STAG1: variants seen among roughly 807,000 people sequenced by gnomAD.
The protein encoded by STAG1 is STAG1 cohesin complex component, also known as cohesin subunit SA-1.
A neutral mutation model predicts 170.9 loss-of-function variants in STAG1; 26 were observed. That is an observed-to-expected ratio of 0.15 (90% confidence interval 0.11 to 0.21). STAG1 has a LOEUF of 0.21. STAG1 is among the 10% of genes least tolerant of loss of function. The pLI is 1.00. For missense variants in STAG1, 964 were observed against 1,509.5 expected (o/e 0.64, Z 5.99); for synonymous variants, 514 against 497.7 (o/e 1.03, Z -0.44).
At chr3:136,366,728 G>A (rs1318197748) in intron 25 of STAG1, among the ~76,000 whole-genome samples, 1 of 152,114 alleles carries the variant, frequency 6.6e-6, no homozygotes, top group African/African-American at 2.4e-5. Context: ...TAGCTAGAAA[G>A]TATGTTCTTT....
intron 15 of STAG1, among the ~76,000 whole-genome samples, chr3:136,441,847 T>G (rs1179185601): frequency 6.6e-6 from 1 of 152,144 alleles, no homozygotes; most frequent in Non-Finnish European, 1.5e-5. Context: ...AACTAAGGAT[T>G]AGAAAATCTG....
At chr3:136,454,977 G>T (rs913490999) in intron 13 of STAG1, among the ~76,000 whole-genome samples, 1 of 152,094 alleles carries the variant, frequency 6.6e-6, no homozygotes, top group Non-Finnish European at 1.5e-5. Context: ...AATGATGGAA[G>T]AATGATAAAA....
intron 32 of STAG1, 76 bp from the exon 33 acceptor site, chr3:136,338,526 T>G: frequency 9.4e-7 from 1 of 1,062,370 alleles, no homozygotes; most frequent in South Asian, 1.3e-5. Flanking sequence ...AGCTAATATT[T>G]CTGACAGTAT....
chr3:136,638,874 C>T (rs954335479), intron 1 of STAG1, among the ~76,000 whole-genome samples: 1 of 152,016 alleles, frequency 6.6e-6, no homozygotes, highest in African/African-American at 2.4e-5. Context: ...TGAACTCCAG[C>T]CTGGGCAACA....
At chr3:136,670,667 C>T (rs1057376903) in intron 1 of STAG1, among the ~76,000 whole-genome samples, 8 of 152,006 alleles carry the variant, frequency 5.3e-5, no homozygotes, top group Non-Finnish European at 8.8e-5. Flanking sequence ...GCCAAGGTTT[C>T]GCTATGTTGG....
chr3:136,439,018 G>A (rs975765916), intron 15 of STAG1, among the ~76,000 whole-genome samples: 12 of 151,418 alleles, frequency 7.9e-5, no homozygotes, highest in African/African-American at 2.9e-4. Flanking sequence ...CCAACATGGG[G>A]AAACCGATCT....
chr3:136,644,231 T>A (rs2107849239), intron 1 of STAG1, among the ~76,000 whole-genome samples: 1 of 152,346 alleles, frequency 6.6e-6, no homozygotes, highest in Admixed American at 6.5e-5. Flanking sequence ...GTGAAAAACT[T>A]TGAGGATGGT....
At chr3:136,417,779 C>G (rs1329099740) in intron 21 of STAG1, 106 bp downstream of exon 21, 1 of 778,936 alleles carries the variant, frequency 1.3e-6, no homozygotes, top group East Asian at 2.6e-5. Flanking sequence ...AGGCAGCTGC[C>G]CTAATGAATC....
intron 6 of STAG1, among the ~76,000 whole-genome samples, chr3:136,526,423 C>T (rs974247307): frequency 6.6e-6 from 1 of 152,100 alleles, no homozygotes; most frequent in Non-Finnish European, 1.5e-5. Flanking sequence ...GCAACCCCTG[C>T]CTTTTTTTGT....
At chr3:136,491,526 G>A (rs192059036) in intron 9 of STAG1, among the ~76,000 whole-genome samples, 1 of 151,956 alleles carries the variant, frequency 6.6e-6, no homozygotes, top group Non-Finnish European at 1.5e-5. Flanking sequence ...TACATCCCCT[G>A]GTTCTTATTA....
intron 1 of STAG1, among the ~76,000 whole-genome samples, chr3:136,669,908 C>A (rs927288369): frequency 7.2e-5 from 11 of 152,206 alleles, no homozygotes; most frequent in Non-Finnish European, 1.3e-4. Flanking sequence ...CTCCATATAC[C>A]ATAATAGTTA....
chr3:136,379,437 G>A (rs1050413841), intron 22 of STAG1, among the ~76,000 whole-genome samples: 5 of 152,168 alleles, frequency 3.3e-5, no homozygotes, highest in Non-Finnish European at 7.4e-5. Context: ...GGCTGGGTGC[G>A]GTGGCTCACG....
intron 22 of STAG1, among the ~76,000 whole-genome samples, chr3:136,388,343 A>T (rs1278338246): frequency 6.6e-6 from 1 of 152,134 alleles, no homozygotes; most frequent in Non-Finnish European, 1.5e-5. Context: ...AAAATGCTGG[A>T]AACAGAAGAA....
chr3:136,655,545 C>T (rs1941343128), intron 1 of STAG1, among the ~76,000 whole-genome samples: 1 of 152,182 alleles, frequency 6.6e-6, no homozygotes, highest in African/African-American at 2.4e-5. Context: ...GGTGGATCAG[C>T]TGAGGTCAGG....
intron 12 of STAG1, among the ~76,000 whole-genome samples, chr3:136,469,544 A>G (rs1379212607): frequency 6.6e-6 from 1 of 152,272 alleles, no homozygotes; most frequent in African/African-American, 2.4e-5. Flanking sequence ...AATATCGTGA[A>G]AATGGCCATA....
chr3:136,505,148 G>C (rs928810616), intron 7 of STAG1, among the ~76,000 whole-genome samples: 4 of 152,098 alleles, frequency 2.6e-5, no homozygotes, highest in Non-Finnish European at 5.9e-5. Flanking sequence ...CATAGAATTG[G>C]TACTTATCAA....
chr3:136,519,832 T>A (rs1246385662), intron 7 of STAG1, among the ~76,000 whole-genome samples: 1 of 152,104 alleles, frequency 6.6e-6, no homozygotes, highest in African/African-American at 2.4e-5. Context: ...CAAAACACAG[T>A]ATGAACTGTG....
intron 6 of STAG1, among the ~76,000 whole-genome samples, chr3:136,530,657 C>T (rs895461657): frequency 6.6e-6 from 1 of 152,120 alleles, no homozygotes; most frequent in African/African-American, 2.4e-5. Context: ...AAAACACACT[C>T]TTGAATAACC....
intron 19 of STAG1, among the ~76,000 whole-genome samples, 199 bp from the exon 20 acceptor site, chr3:136,421,362 T>C (rs1292394859): frequency 6.6e-6 from 1 of 152,202 alleles, no homozygotes; most frequent in Non-Finnish European, 1.5e-5. Flanking sequence ...TAAATAATGT[T>C]GTGATAAACA....
Sources: allele counts gnomAD v4.1 joint callset (sites outside exome capture counted in the v4.1 genomes callset), GRCh38; gene constraint gnomAD v4.1.1; transcripts MANE v1.5; gene names NCBI Gene and HGNC (gene_info 2026-07-23, HGNC 2026-07-21).